Variants in MYH9 observed in about 807,000 individuals in gnomAD.
MYH9 encodes myosin-9.
Under a neutral mutation model 241.9 loss-of-function variants are expected in MYH9, and 29 were observed. The ratio of observed to expected loss-of-function variants is 0.12; its 90% CI spans 0.09 to 0.16. The LOEUF is 0.16. Among genes scored for constraint, MYH9 ranks in the 10% least tolerant of loss-of-function variants. The pLI is 1.00. For synonymous variants in MYH9, 1,047 were observed against 1,062.6 expected (o/e 0.99, Z 0.29); for missense variants, 1,803 against 2,595.5 (o/e 0.69, Z 6.63).
rs2032487 is a variant in MYH9 at position 36,299,382 on chromosome 22, C to T, written c.2977-340G>A. On this transcript the variant is annotated intron_variant, in intron 23 of 40. Coordinates refer to ENST00000216181, the MANE Select transcript of MYH9 (RefSeq NM_002473.6). ...GAGGCTGCCACACGGCGCTCACCTG[C>T]GCCACCAGGCCACCTTCTCCGTGCC... Among the ~76,000 whole-genome samples, 120,284 of 152,136 alleles carry T rather than the reference C, an allele frequency of 0.79. 52,738 individuals carry two copies. The highest frequency in any genetic ancestry group is 1 in the East Asian group (5,144 of 5,150).
intron 2 of MYH9, 33 bp downstream of exon 2, chr22:36,348,871 C>T (rs747533428): frequency 6.6e-7 from 1 of 1,503,870 alleles, no homozygotes; most frequent in Admixed American, 1.7e-5. Context: ...AGCCCTCAGA[C>T]CCAGCCTGCG....
intron 1 of MYH9, among the ~76,000 whole-genome samples, chr22:36,386,421 A>G (rs944730456): frequency 6.6e-6 from 1 of 152,104 alleles, no homozygotes; most frequent in Non-Finnish European, 1.5e-5. Context: ...CTCCTTACCA[A>G]AAAGGGACTC....
At position 36,304,061 on chromosome 22, in the gene MYH9, C is replaced by T. The variant is rs1411583227; in HGVS notation, c.2324G>A (p.Arg775Gln). 2 of 1,613,836 alleles carry T rather than the reference C, an allele frequency of 1.2e-6. No homozygotes were observed. The highest frequency in any genetic ancestry group is 1.7e-6 in the Non-Finnish European group (2 of 1,180,022). ...GATGACGTCGGTGATCTTCAGGTCT[C>T]GCTCCTCCTCCAGGTGGGCCAGCAC... ...AGVLAHLEEE[R>Q]DLKITDVIIG... The change falls in exon 19 of 41, where the codon CGA (arginine) becomes CAA (glutamine). Residue 775 changes from arginine to glutamine, a missense_variant. This residue lies in a region of MYH9 where 72 missense variants were observed against 83.3 expected (regional missense o/e 0.86). Transcript: ENST00000216181.
intron 31 of MYH9, among the ~76,000 whole-genome samples, chr22:36,290,391 T>C (rs1049500726): frequency 4.7e-5 from 7 of 149,464 alleles, no homozygotes; most frequent in African/African-American, 2.5e-5. Flanking sequence ...CAAACTATAA[T>C]TAAATAATTA....
chr22:36,353,232 A>G (rs981508808), intron 1 of MYH9, among the ~76,000 whole-genome samples: 1 of 152,078 alleles, frequency 6.6e-6, no homozygotes, highest in Admixed American at 6.6e-5. Flanking sequence ...TGAATGGGGG[A>G]TAGTAAAGAG....
rs2016770300 is a variant in MYH9 at position 36,295,245 on chromosome 22, C to T, written c.3486-169G>A. Reference sequence around the variant, plus strand: ...CTATCCCATAGCCCAGGCTCAAATACGCCCTGTGAGAGCTTCTGTAGCCTT... The same window carrying T: ...CTATCCCATAGCCCAGGCTCAAATATGCCCTGTGAGAGCTTCTGTAGCCTT... On this transcript the variant is annotated intron_variant, in intron 26 of 40. Coordinates refer to ENST00000216181, the MANE Select transcript of MYH9 (RefSeq NM_002473.6). The surrounding 1 kb of genome is among the most constrained non-coding windows in gnomAD (Gnocchi z 4.1). Among the ~76,000 whole-genome samples, 2 of 152,174 alleles carry T rather than the reference C, an allele frequency of 1.3e-5. No homozygotes were observed. Among genetic ancestry groups the T allele is most frequent in the Admixed American group, 6.5e-5 (1 of 15,280 alleles).
At chr22:36,343,270 C>A (rs1439152793) in intron 2 of MYH9, among the ~76,000 whole-genome samples, 2 of 152,166 alleles carry the variant, frequency 1.3e-5, no homozygotes, top group Non-Finnish European at 2.9e-5. Flanking sequence ...CACACAGGGG[C>A]TCACACTGGA....
At chr22:36,299,076 T>C in intron 23 of MYH9, 34 bp from the exon 24 acceptor site, 1 of 1,613,546 alleles carries the variant, frequency 6.2e-7, no homozygotes, top group Non-Finnish European at 8.5e-7. Context: ...CATTTAGTGT[T>C]GGTTGAGCAC....
At chr22:36,296,380 G>A (rs1004122385) in intron 25 of MYH9, among the ~76,000 whole-genome samples, 4 of 152,026 alleles carry the variant, frequency 2.6e-5, no homozygotes, top group African/African-American at 7.3e-5. Context: ...GATTACAGTC[G>A]TGTGCCACCA....
At chr22:36,355,503 G>A (rs2017840775) in intron 1 of MYH9, among the ~76,000 whole-genome samples, 1 of 152,000 alleles carries the variant, frequency 6.6e-6, no homozygotes, top group Non-Finnish European at 1.5e-5. Context: ...ATCTTTGGTT[G>A]AAACGTTGAG....
At position 36,302,551 on chromosome 22, in the gene MYH9, G is replaced by A; in HGVS notation, c.2499+17C>T. On this transcript the variant is annotated intron_variant, in intron 20 of 40. Coordinates refer to ENST00000216181, the MANE Select transcript of MYH9 (RefSeq NM_002473.6). Reference sequence around the variant, plus strand: ...ACCCGTAGTCCCAGCTACTCAGGAGGCCCTTCTAGCACGCACCTTGGTGAA... The same window carrying A: ...ACCCGTAGTCCCAGCTACTCAGGAGACCCTTCTAGCACGCACCTTGGTGAA... 6.2e-7 allele frequency: 1 copy of A among 1,604,262 alleles called. No homozygotes were observed. Among genetic ancestry groups the A allele is most frequent in the Non-Finnish European group, 8.5e-7 (1 of 1,173,144 alleles).
chr22:36,305,789 A>G lies in MYH9; in HGVS notation c.2159+141T>C. On this transcript the variant is annotated intron_variant, in intron 17 of 40. Coordinates refer to ENST00000216181, the MANE Select transcript of MYH9 (RefSeq NM_002473.6). This position sits in a 1 kb window ranked among gnomAD's most constrained non-coding sequence, Gnocchi z 4.7. ...TGGAAAAGAGAAGGAGGTGGGGAAGAGCTGGCCAGACTCAGTTCTACATGG... is the reference window on the plus strand; with the variant it reads ...TGGAAAAGAGAAGGAGGTGGGGAAGGGCTGGCCAGACTCAGTTCTACATGG... 3 of 1,212,334 alleles carry G rather than the reference A, an allele frequency of 2.5e-6. No individual in the cohort carries two copies. Among genetic ancestry groups the G allele is most frequent in the Non-Finnish European group, 3.6e-6 (3 of 830,608 alleles). The allele number at this position is 1,212,334 out of a possible 1,614,324, so 75.1% of individuals were successfully genotyped here. A position where few individuals can be genotyped will look rare whatever the true frequency, so the allele number is the denominator to read the frequency against.
rs376040199 is a variant in MYH9, at chr22:36,289,308, G to C, written c.4345-11C>G. The C allele has an allele frequency of 9.2e-5, 147 of 1,602,760 alleles. No homozygotes were observed. Among genetic ancestry groups the C allele is most frequent in the Non-Finnish European group, 7.7e-6 (9 of 1,175,794 alleles). On this transcript the variant is annotated splice_polypyrimidine_tract_variant and intron_variant, in intron 31 of 40. Transcript: ENST00000216181. The stretch of plus-strand genomic sequence containing the variant: ...CTCCTCCGCCAGGAGCTGGGAAAGA[G>C]GTGGGCACCATGAGGCTCAGAGCTA...
At chr22:36,377,850 G>A (rs1055451727) in intron 1 of MYH9, among the ~76,000 whole-genome samples, 1 of 152,148 alleles carries the variant, frequency 6.6e-6, no homozygotes, top group East Asian at 1.9e-4. Flanking sequence ...GGCGGAGCTT[G>A]CAATGAGCCG....
intron 9 of MYH9, chr22:36,319,882 G>A (rs2017222638): frequency 2.6e-5 from 16 of 619,448 alleles, no homozygotes; most frequent in Non-Finnish European, 4.0e-5. Flanking sequence ...GGCTTCACCA[G>A]CACAAAGCAC....
rs1569535936 is a variant in MYH9 at position 36,319,560 on chromosome 22, G to C, written c.1088C>G (p.Ala363Gly). Residue 363 changes from alanine to glycine, a missense_variant, in exon 10 of 41, where the codon GCG becomes GGG. Around this residue, in one of 11 missense-constraint regions of MYH9, gnomAD observed 222 missense variants for 359.9 expected, o/e 0.62. Transcript: ENST00000216181. ...VFKKERNTDQ[A>G]SMPDNTAAQK... is the part of the protein sequence containing the mutation. ...GTTACCTGTGTTGTCGGGCATGGAC[G>C]CCTGGTCAGTGTTCCGCTCCTTCTT... 1 of 1,614,150 alleles carries C rather than the reference G, an allele frequency of 6.2e-7. No homozygotes were observed. Among genetic ancestry groups the C allele is most frequent in the Non-Finnish European group, 8.5e-7 (1 of 1,180,020 alleles).
chr22:36,337,060 G>A (rs888712913), intron 3 of MYH9, among the ~76,000 whole-genome samples: 1 of 151,466 alleles, frequency 6.6e-6, no homozygotes, highest in Admixed American at 6.6e-5. Flanking sequence ...TGCCAGCACA[G>A]GGCTCCAGGC....
Position 36,300,283 on chromosome 22 carries a change from AC to A in MYH9, c.2839-20del. 6.2e-7 allele frequency: 1 copy of A among 1,611,478 alleles called. No individual in the cohort carries two copies. The highest frequency in any genetic ancestry group is 8.5e-7 in the Non-Finnish European group (1 of 1,179,968). On this transcript the variant is annotated intron_variant, in intron 22 of 40. Coordinates refer to ENST00000216181, the MANE Select transcript of MYH9 (RefSeq NM_002473.6). The surrounding 1 kb of genome is among the most constrained non-coding windows in gnomAD (Gnocchi z 5.0). ...CAAGCTCCTGCCGGGGGCCAGAGAC[AC>A]GGTAAGGACAGCAGGCCCAGAGGCA...
In MYH9 at chr22:36,282,729, T is replaced by C. The variant is rs760289775; in HGVS notation, c.5822A>G (p.Asp1941Gly). 6.2e-7 allele frequency: 1 copy of C among 1,613,838 alleles called. No individual in the cohort carries two copies. The highest frequency in any genetic ancestry group is 1.1e-5 in the South Asian group (1 of 91,082). Reference protein sequence around the residue: ...PRRMARKGAGDGSDEEVDGKA... With the variant: ...PRRMARKGAGGGSDEEVDGKA... ...GCCATCTACCTCTTCGTCGGAGCCA[T>C]CCCCGGCGCCTTTCCGGGCCATTCG... The change falls in exon 41 of 41, where the codon GAT (aspartate) becomes GGT (glycine). Residue 1941 changes from aspartate (D) to glycine (G), a missense_variant. Asp to Gly is a moderately conservative substitution (Grantham distance 94). Around this residue, in one of 11 missense-constraint regions of MYH9, gnomAD observed 876 missense variants for 1,077.8 expected, o/e 0.81. Transcript: ENST00000216181.
Sources: gnomAD v4.1 joint callset for allele counts (sites outside exome capture counted in the v4.1 genomes callset) on GRCh38, gnomAD v4.1.1 for gene constraint, gnomAD v4.1.1 regional missense constraint, Gnocchi (gnomAD v3.1) non-coding constraint, MANE v1.5 for transcripts, NCBI Gene and HGNC (gene_info 2026-07-23, HGNC 2026-07-21) for gene names.